The following ADAM12 variants were observed in gnomAD, a reference collection of about 807,000 sequenced individuals.
ADAM12 encodes the protein ADAM metallopeptidase domain 12.
ADAM12 carries 70 observed loss-of-function variants against 106.4 expected under a neutral mutation model. The observed-to-expected ratio is 0.66, with a 90% confidence interval of 0.54 to 0.80. The LOEUF is 0.80. ADAM12 is among the 30% of genes least tolerant of loss of function. ADAM12 has a pLI of 0.00. For synonymous variants in ADAM12, 420 were observed against 433.5 expected (o/e 0.97, Z 0.39); for missense variants, 1,010 against 1,171.9 (o/e 0.86, Z 2.02).
At chr10:126,042,424 C>T (rs530678611) in intron 18 of ADAM12, among the ~76,000 whole-genome samples, 1 of 151,960 alleles carries the variant, frequency 6.6e-6, no homozygotes, top group Non-Finnish European at 1.5e-5. Context: ...TAAATCTTAG[C>T]GAGATCACAT....
chr10:126,155,410 T>G, intron 3 of ADAM12, 105 bp from the exon 4 acceptor site: 1 of 1,046,634 alleles, frequency 9.6e-7, no homozygotes, highest in Non-Finnish European at 1.4e-6. Context: ...CCTCCTTTTT[T>G]TTTTTTTAAC....
intron 14 of ADAM12, among the ~76,000 whole-genome samples, chr10:126,058,225 A>G (rs929394258): frequency 7.2e-5 from 11 of 152,196 alleles, no homozygotes; most frequent in African/African-American, 9.6e-5. Context: ...CAGGGCTCCT[A>G]CCTGTGGGCA....
chr10:126,387,893 G>T (rs759752589), intron 1 of ADAM12, among the ~76,000 whole-genome samples, 165 bp downstream of exon 1: 146 of 131,948 alleles, frequency 1.1e-3, no homozygotes, highest in African/African-American at 3.6e-3. Flanking sequence ...GGCACCTGGG[G>T]GGGGGGGGTC....
At chr10:126,225,514 A>T (rs1258439717) in intron 3 of ADAM12, among the ~76,000 whole-genome samples, 3 of 152,158 alleles carry the variant, frequency 2.0e-5, no homozygotes, top group Admixed American at 1.3e-4. Context: ...ATCATTTGGA[A>T]AATCGGTTTT....
intron 6 of ADAM12, among the ~76,000 whole-genome samples, chr10:126,116,526 T>G (rs1422485518): frequency 6.6e-6 from 1 of 151,116 alleles, no homozygotes; most frequent in African/African-American, 2.4e-5. Flanking sequence ...GTTGGGGGGG[T>G]AATTTTCAAG....
chr10:126,091,372 C>A (rs1418854174), intron 11 of ADAM12, among the ~76,000 whole-genome samples: 1 of 152,182 alleles, frequency 6.6e-6, no homozygotes, highest in African/African-American at 2.4e-5. Context: ...GTTGACTGAG[C>A]CGCTCGACCT....
In ADAM12 at chr10:126,155,274, G is replaced by C. The variant is rs752088849; in HGVS notation, c.292C>G (p.His98Asp). 1.9e-6 allele frequency: 3 copies of C among 1,614,102 alleles called. No homozygotes were observed. In the East Asian group the frequency reaches 6.7e-5, roughly 36 times the overall value. ...GLIASSFTETHYLQDGTDVSL... is the reference protein window; with the variant it reads ...GLIASSFTETDYLQDGTDVSL... ...ACATCAGTACCGTCTTGCAGATAGT[G>C]GGTTTCCGTGAAACTGCTGGCAATG... The change falls in exon 4 of 23, where the codon CAC (histidine) becomes GAC (aspartate). Residue 98 changes from histidine to aspartate, a missense_variant. Physicochemically the swap from His to Asp is moderately conservative, Grantham distance 81. This residue lies in a region of ADAM12 where 391 missense variants were observed against 442.9 expected (regional missense o/e 0.88). Transcript: ENST00000448723.
intron 3 of ADAM12, among the ~76,000 whole-genome samples, chr10:126,236,528 A>C (rs2133638890): frequency 6.6e-6 from 1 of 152,266 alleles, no homozygotes; most frequent in African/African-American, 2.4e-5. Flanking sequence ...TGGATACTGC[A>C]TGGGAGAGTG....
chr10:126,063,153 G>A (rs147271317), intron 14 of ADAM12, among the ~76,000 whole-genome samples: 279 of 152,290 alleles, frequency 1.8e-3, no homozygotes, highest in African/African-American at 6.4e-3. Flanking sequence ...CTAAGGGCCC[G>A]GGAACTGCAG....
At chr10:126,073,996 G>T (rs764601052) in intron 11 of ADAM12, among the ~76,000 whole-genome samples, 51 of 152,144 alleles carry the variant, frequency 3.4e-4, no homozygotes, top group Admixed American at 4.6e-4. Flanking sequence ...AAGAAAGAAA[G>T]AAATAAAAAT....
intron 22 of ADAM12, among the ~76,000 whole-genome samples, chr10:126,018,901 G>A (rs974955998): frequency 1.3e-5 from 2 of 152,116 alleles, no homozygotes; most frequent in African/African-American, 2.4e-5. Flanking sequence ...CCTCCAACCC[G>A]ACTAATGTCT....
At chr10:126,088,724 C>CAAAAAAAA (rs55755010) in intron 11 of ADAM12, among the ~76,000 whole-genome samples, 363 of 148,796 alleles carry the variant, frequency 2.4e-3, no homozygotes, top group Non-Finnish European at 2.6e-3. Flanking sequence ...AAAACAAAAA[C>CAAAAAAAA]AAAAAGAGAG....
chr10:126,267,751 T>C lies in ADAM12; in HGVS notation c.260+11164A>G, dbSNP rs148286955. ...TGGGGAGAGCACGTCAGAGAAGGTA[T>C]TGGGGACCCCTAGCCTAAATGGAGC... is the stretch of plus-strand genomic sequence containing the variant. On this transcript the variant is annotated intron_variant, in intron 3 of 22. Coordinates refer to ENST00000448723, the MANE Select transcript of ADAM12 (RefSeq NM_001288973.2). 5.8e-3 allele frequency among the ~76,000 whole-genome samples: 888 copies of C among 151,842 alleles called. 7 individuals carry two copies. The highest frequency in any genetic ancestry group is 0.019 in the South Asian group (90 of 4,790).
intron 1 of ADAM12, among the ~76,000 whole-genome samples, chr10:126,375,743 T>TTC (rs1491400946): frequency 2.6e-5 from 2 of 75,722 alleles, no homozygotes; most frequent in African/African-American, 4.4e-5. Context: ...CTTCTTCTTC[T>TTC]TTTTTTTTTT....
intron 3 of ADAM12, among the ~76,000 whole-genome samples, chr10:126,165,764 T>C (rs567961192): frequency 5.3e-5 from 8 of 152,356 alleles, no homozygotes; most frequent in African/African-American, 1.7e-4. Context: ...TTTTCCTCCA[T>C]GTTGGAAGAG....
chr10:126,187,019 T>C (rs1957411317), intron 3 of ADAM12, among the ~76,000 whole-genome samples: 1 of 152,236 alleles, frequency 6.6e-6, no homozygotes, highest in Non-Finnish European at 1.5e-5. Flanking sequence ...CCAAATTGCA[T>C]GGTCTTCCCC....
At chr10:126,111,736 C>G (rs926107215) in intron 6 of ADAM12, among the ~76,000 whole-genome samples, 1 of 152,182 alleles carries the variant, frequency 6.6e-6, no homozygotes, top group African/African-American at 2.4e-5. Context: ...TCTACATTTT[C>G]TCATGAATTC....
intron 3 of ADAM12, among the ~76,000 whole-genome samples, chr10:126,187,500 T>C (rs1308257817): frequency 6.6e-6 from 1 of 152,170 alleles, no homozygotes; most frequent in African/African-American, 2.4e-5. Flanking sequence ...TTGATGTCTG[T>C]AGGCAGAAGG....
intron 1 of ADAM12, among the ~76,000 whole-genome samples, chr10:126,356,946 G>C (rs865870327): frequency 3.3e-5 from 5 of 152,050 alleles, no homozygotes; most frequent in Admixed American, 6.6e-5. Flanking sequence ...AAAAATGAAG[G>C]AAGCCAATGG....
Sources: gnomAD v4.1 joint callset for allele counts (sites outside exome capture counted in the v4.1 genomes callset) on GRCh38, gnomAD v4.1.1 for gene constraint, gnomAD v4.1.1 regional missense constraint, MANE v1.5 for transcripts, NCBI Gene and HGNC (gene_info 2026-07-23, HGNC 2026-07-21) for gene names.